The following CCDC149 variants were observed in gnomAD, a reference collection of about 807,000 sequenced individuals.
CCDC149 encodes coiled-coil domain containing 149.
Under a neutral mutation model 59.9 loss-of-function variants are expected in CCDC149, and 45 were observed. The ratio of observed to expected loss-of-function variants is 0.75; its 90% CI spans 0.59 to 0.96. The LOEUF is 0.96. Among genes scored for constraint, CCDC149 ranks in the 40% least tolerant of loss-of-function variants. The pLI is 0.00. For synonymous variants in CCDC149, 245 were observed against 260.6 expected, an observed-to-expected ratio of 0.94 and a Z score of 0.58; for missense variants, 584 against 664.7, an observed-to-expected ratio of 0.88 and a Z score of 1.33.
At chr4:24,845,202 G>A (rs535149069) in intron 4 of CCDC149, among the ~76,000 whole-genome samples, 8 of 152,188 alleles carry the variant, frequency 5.3e-5, no homozygotes, top group East Asian at 3.9e-4. Context: ...ATGCCTTCCC[G>A]CACCAAGCCC....
intron 1 of CCDC149, among the ~76,000 whole-genome samples, chr4:24,966,926 T>C (rs1452157301): frequency 6.6e-6 from 1 of 152,214 alleles, no homozygotes; most frequent in Non-Finnish European, 1.5e-5. Context: ...CAATGTGCGG[T>C]GGGTGCTGAT....
At chr4:24,895,039 C>G in intron 1 of CCDC149, 1 of 1,531,766 alleles carries the variant, frequency 6.5e-7, no homozygotes, top group Non-Finnish European at 8.8e-7. Flanking sequence ...ATGATGACGA[C>G]GACGATGACG....
chr4:24,958,931 G>A (rs1723553473), intron 1 of CCDC149, among the ~76,000 whole-genome samples: 1 of 152,138 alleles, frequency 6.6e-6, no homozygotes, highest in East Asian at 2.0e-4. Context: ...AGGCTGAGGC[G>A]CTGAGGCACG....
intron 9 of CCDC149, among the ~76,000 whole-genome samples, chr4:24,825,267 G>A (rs369718961): frequency 1.5e-4 from 23 of 152,280 alleles, no homozygotes; most frequent in African/African-American, 4.8e-4. Context: ...ATACATGGAC[G>A]GTGCAGTGGA....
At chr4:24,804,629 G>A (rs1442937150), downstream of CCDC149, among the ~76,000 whole-genome samples, 1 of 152,168 alleles carries the variant, frequency 6.6e-6, no homozygotes, top group Non-Finnish European at 1.5e-5. Flanking sequence ...TAAAGAGACA[G>A]AGAAGATCAC....
At chr4:24,826,784 G>C (rs1715776014) in intron 9 of CCDC149, among the ~76,000 whole-genome samples, 1 of 152,168 alleles carries the variant, frequency 6.6e-6, no homozygotes, top group Non-Finnish European at 1.5e-5. Flanking sequence ...GACAGTAGAG[G>C]GGATGAAATT....
chr4:24,923,442 G>A (rs1696572443), intron 1 of CCDC149, among the ~76,000 whole-genome samples: 1 of 152,034 alleles, frequency 6.6e-6, no homozygotes, highest in Non-Finnish European at 1.5e-5. Context: ...AAATGATTAT[G>A]CAAAAATTAT....
At chr4:24,910,170 C>T (rs1644433859) in intron 1 of CCDC149, among the ~76,000 whole-genome samples, 1 of 152,168 alleles carries the variant, frequency 6.6e-6, no homozygotes, top group African/African-American at 2.4e-5. Context: ...GCATGCCTTG[C>T]CATGTGGCTG....
intron 1 of CCDC149, among the ~76,000 whole-genome samples, chr4:24,965,070 G>C (rs1009945371): frequency 6.6e-6 from 1 of 151,138 alleles, no homozygotes; most frequent in Non-Finnish European, 1.5e-5. Context: ...TAAGCAGAAA[G>C]AAAATGATAA....
At chr4:24,882,696 C>T (rs1719919452) in intron 1 of CCDC149, among the ~76,000 whole-genome samples, 1 of 152,136 alleles carries the variant, frequency 6.6e-6, no homozygotes, top group Non-Finnish European at 1.5e-5. Flanking sequence ...CTGGCTGCTG[C>T]CTGAGACTCT....
intron 1 of CCDC149, among the ~76,000 whole-genome samples, chr4:24,877,032 T>C (rs1719485045): frequency 6.6e-6 from 1 of 152,204 alleles, no homozygotes; most frequent in African/African-American, 2.4e-5. Context: ...TAAAATTTTA[T>C]TAAGATATTT....
intron 9 of CCDC149, among the ~76,000 whole-genome samples, chr4:24,824,978 C>A (rs566233279): frequency 1.3e-5 from 2 of 152,148 alleles, no homozygotes; most frequent in Admixed American, 6.5e-5. Flanking sequence ...ACTGAAAGAA[C>A]GTGGCAGGGA....
At chr4:24,965,008 G>A (rs1375201028) in intron 1 of CCDC149, among the ~76,000 whole-genome samples, 5 of 151,160 alleles carry the variant, frequency 3.3e-5, no homozygotes, top group Admixed American at 2.0e-4. Context: ...AACATTTTCA[G>A]ATAAAAGAAT....
chr4:24,861,039 T>C (rs529795033), intron 3 of CCDC149, among the ~76,000 whole-genome samples: 1 of 152,304 alleles, frequency 6.6e-6, no homozygotes, highest in Admixed American at 6.5e-5. Context: ...ATAACCACTA[T>C]GGAAAACAGT....
At chr4:24,931,258 C>T (rs546257610) in intron 1 of CCDC149, among the ~76,000 whole-genome samples, 1 of 141,620 alleles carries the variant, frequency 7.1e-6, no homozygotes, top group African/African-American at 2.7e-5. Flanking sequence ...GTATAATATG[C>T]ATATGTATCT....
intron 12 of CCDC149, among the ~76,000 whole-genome samples, chr4:24,812,742 G>A (rs1239142834): frequency 1.3e-5 from 2 of 152,186 alleles, no homozygotes; most frequent in Admixed American, 6.5e-5. Context: ...CACAATCATG[G>A]TAGAAGACGA....
intron 4 of CCDC149, among the ~76,000 whole-genome samples, chr4:24,845,045 C>T (rs896685176): frequency 2.6e-5 from 4 of 152,238 alleles, no homozygotes; most frequent in African/African-American, 9.6e-5. Flanking sequence ...TTGAGCCCGG[C>T]AGTTCAGGGC....
intron 1 of CCDC149, among the ~76,000 whole-genome samples, chr4:24,968,989 A>G (rs1051634260): frequency 6.6e-6 from 1 of 152,216 alleles, no homozygotes; most frequent in Admixed American, 6.5e-5. Context: ...TGCCCTGGTG[A>G]AGGTCCAATA....
intron 1 of CCDC149, among the ~76,000 whole-genome samples, chr4:24,938,473 C>A (rs535471688): frequency 6.6e-6 from 1 of 152,176 alleles, no homozygotes; most frequent in African/African-American, 2.4e-5. Context: ...CCAGCGTAAG[C>A]GATGCAGAAG....
Sources: allele counts gnomAD v4.1 joint callset (sites outside exome capture counted in the v4.1 genomes callset), GRCh38; gene constraint gnomAD v4.1.1; transcripts MANE v1.5; gene names NCBI Gene and HGNC (gene_info 2026-07-23, HGNC 2026-07-21).